Variants in EFCAB11 observed in about 807,000 individuals in gnomAD.
EFCAB11 encodes the protein EF-hand calcium binding domain 11, also known as EF-hand calcium-binding domain-containing protein 11.
Under a neutral mutation model 23.0 loss-of-function variants are expected in EFCAB11, and 14 were observed. The ratio of observed to expected loss-of-function variants is 0.61; its 90% CI spans 0.40 to 0.95. EFCAB11 has a LOEUF of 0.95. Among genes scored for constraint, EFCAB11 ranks in the 40% least tolerant of loss-of-function variants. The pLI, the probability that EFCAB11 is intolerant of heterozygous loss-of-function variation, is 0.00. For synonymous variants in EFCAB11, 65 were observed against 66.6 expected (o/e 0.98, Z 0.11); for missense variants, 198 against 195.8 (o/e 1.01, Z -0.07).
Position 89,801,057 on chromosome 14 carries a change from A to AT in EFCAB11, c.411-3734_411-3733insA, listed in dbSNP as rs1395838001. ...CTCAAAAAAGAAAAAAAAAAAAAAA[A>AT]AAAGAAGTACTGCTCTGTATTACTT... On this transcript the variant is annotated intron_variant, in intron 5 of 5. Coordinates refer to ENST00000316738, the MANE Select transcript of EFCAB11 (RefSeq NM_145231.4). Among the ~76,000 whole-genome samples the AT allele has an allele frequency of 1.1e-4, 14 of 128,854 alleles. No homozygotes were observed. The Admixed American group carries it at 1.1e-3, about 10-fold the overall frequency. 84.5% of individuals were successfully genotyped at this position (128,854 alleles called of 152,430 possible).
chr14:89,822,504 G>A (rs10148318), intron 5 of EFCAB11, among the ~76,000 whole-genome samples: 3,014 of 152,226 alleles, frequency 0.02, 100 homozygotes, highest in African/African-American at 0.068. Context: ...CCCACCCTTG[G>A]CACTCCACTG....
intron 5 of EFCAB11, among the ~76,000 whole-genome samples, chr14:89,860,018 T>C (rs755313135): frequency 6.6e-5 from 10 of 152,176 alleles, no homozygotes; most frequent in Non-Finnish European, 1.3e-4. Context: ...CTAGGTCCTA[T>C]GACTCTGGTT....
intron 5 of EFCAB11, among the ~76,000 whole-genome samples, chr14:89,896,161 G>A (rs1204864838): frequency 1.3e-5 from 2 of 152,180 alleles, no homozygotes; most frequent in Non-Finnish European, 2.9e-5. Flanking sequence ...CGAGGCGGGC[G>A]GACCACGAGG....
chr14:89,815,575 C>T (rs35945257), intron 5 of EFCAB11, among the ~76,000 whole-genome samples: 11,150 of 151,974 alleles, frequency 0.073, 945 homozygotes, highest in African/African-American at 0.21. Context: ...TACAGGCGCG[C>T]GCCACCACGC....
intron 5 of EFCAB11, among the ~76,000 whole-genome samples, chr14:89,880,185 G>C (rs1011062184): frequency 6.6e-6 from 1 of 152,160 alleles, no homozygotes; most frequent in Non-Finnish European, 1.5e-5. Flanking sequence ...GCCTTCATAA[G>C]AGTAGGTCAC....
At chr14:89,834,557 G>A (rs1414892383) in intron 5 of EFCAB11, among the ~76,000 whole-genome samples, 8 of 152,174 alleles carry the variant, frequency 5.3e-5, no homozygotes, top group African/African-American at 1.4e-4. Context: ...AGAACTCTGC[G>A]GAAGACATTT....
chr14:89,948,629 A>G (rs994168710), intron 3 of EFCAB11, among the ~76,000 whole-genome samples: 7 of 152,256 alleles, frequency 4.6e-5, no homozygotes, highest in Non-Finnish European at 7.3e-5. Flanking sequence ...AATGTGGTAC[A>G]CATACACAGT....
intron 5 of EFCAB11, among the ~76,000 whole-genome samples, chr14:89,847,730 ACT>A (rs1424290520): frequency 7.5e-6 from 1 of 132,898 alleles, no homozygotes; most frequent in Non-Finnish European, 1.6e-5. Context: ...CAAGAGAGAA[ACT>A]CTGTCTCACA....
chr14:89,873,524 A>G (rs1190338013), intron 5 of EFCAB11, among the ~76,000 whole-genome samples: 2 of 152,200 alleles, frequency 1.3e-5, no homozygotes, highest in Non-Finnish European at 2.9e-5. Context: ...TCCACAGTCC[A>G]AAGTCTCATC....
chr14:89,850,001 T>C (rs907397212), intron 5 of EFCAB11, among the ~76,000 whole-genome samples: 11 of 152,232 alleles, frequency 7.2e-5, no homozygotes, highest in African/African-American at 2.4e-4. Context: ...TCTCTTGGAG[T>C]ACACAAGCCC....
chr14:89,834,320 G>A (rs36005651), intron 5 of EFCAB11, among the ~76,000 whole-genome samples: 66,627 of 143,222 alleles, frequency 0.47, 17,730 homozygotes, highest in Non-Finnish European at 0.61. Context: ...AGGTTGCAGC[G>A]AGCCGAGATC....
intron 5 of EFCAB11, among the ~76,000 whole-genome samples, chr14:89,912,630 T>C (rs1375206590): frequency 6.6e-6 from 1 of 152,240 alleles, no homozygotes; most frequent in African/African-American, 2.4e-5. Flanking sequence ...TTTAAAGCCA[T>C]AGGAATATTT....
At chr14:89,836,526 G>C (rs1462292600) in intron 5 of EFCAB11, 9 of 456,544 alleles carry the variant, frequency 2.0e-5, no homozygotes, top group Non-Finnish European at 4.0e-5. Flanking sequence ...AGTGTGTAAG[G>C]CTCTTCACCA....
intron 5 of EFCAB11, among the ~76,000 whole-genome samples, chr14:89,897,893 A>C (rs1007391730): frequency 6.6e-6 from 1 of 152,222 alleles, no homozygotes; most frequent in African/African-American, 2.4e-5. Context: ...GAAAATAAGG[A>C]AGGAAAACAG....
intron 5 of EFCAB11, among the ~76,000 whole-genome samples, chr14:89,828,996 T>C (rs1886799919): frequency 1.3e-5 from 2 of 152,206 alleles, no homozygotes; most frequent in Admixed American, 6.5e-5. Context: ...GTATTTTTCA[T>C]TGCAGCATGA....
intron 4 of EFCAB11, among the ~76,000 whole-genome samples, chr14:89,931,918 C>A (rs995172501): frequency 1.4e-4 from 22 of 152,334 alleles, no homozygotes; most frequent in Admixed American, 6.5e-4. Context: ...TAGAGACATG[C>A]ACTCTAACAA....
At chr14:89,910,949 T>A (rs1366313333) in intron 5 of EFCAB11, among the ~76,000 whole-genome samples, 1 of 152,206 alleles carries the variant, frequency 6.6e-6, no homozygotes, top group Non-Finnish European at 1.5e-5. Context: ...AGTATAATAT[T>A]CGGATGTACA....
At chr14:89,953,783 C>A in intron 2 of EFCAB11, 123 bp downstream of exon 2, 1 of 712,534 alleles carries the variant, frequency 1.4e-6, no homozygotes, top group South Asian at 1.9e-5. Context: ...CAGCACTGGA[C>A]ACATCTCTGA....
At chr14:89,801,401 G>A (rs1038616555) in intron 5 of EFCAB11, among the ~76,000 whole-genome samples, 8 of 152,292 alleles carry the variant, frequency 5.3e-5, no homozygotes, top group Admixed American at 3.9e-4. Context: ...ACGTGCAGCA[G>A]AGAGCAGGAA....
Sources: gnomAD v4.1 joint callset for allele counts (sites outside exome capture counted in the v4.1 genomes callset) on GRCh38, gnomAD v4.1.1 for gene constraint, MANE v1.5 for transcripts, NCBI Gene and HGNC (gene_info 2026-07-23, HGNC 2026-07-21) for gene names.